PLEKHA5: variants seen among roughly 807,000 people sequenced by gnomAD.
PLEKHA5 encodes the protein pleckstrin homology domain containing A5, also known as pleckstrin homology domain-containing family A member 5.
In PLEKHA5, 55 loss-of-function variants were observed where a neutral mutation model predicts 181.9. That is an observed-to-expected ratio of 0.30 (90% CI 0.24 to 0.38). The LOEUF (loss-of-function observed/expected upper bound fraction) is 0.38. Ranked by LOEUF, PLEKHA5 falls within the 10% of genes least tolerant of loss-of-function variation. PLEKHA5 has a pLI of 1.00. For missense variants in PLEKHA5, 1,432 were observed against 1,549.5 expected, an observed-to-expected ratio of 0.92 and a Z score of 1.27; for synonymous variants, 535 against 529.4, an observed-to-expected ratio of 1.01 and a Z score of -0.15.
intron 3 of PLEKHA5, among the ~76,000 whole-genome samples, chr12:19,239,640 T>C (rs1285575364): frequency 6.6e-6 from 1 of 152,212 alleles, no homozygotes; most frequent in Non-Finnish European, 1.5e-5. Context: ...ATACATTGTT[T>C]CAAAACTTAT....
intron 3 of PLEKHA5, among the ~76,000 whole-genome samples, chr12:19,144,699 C>T (rs2038423058): frequency 6.6e-6 from 1 of 152,166 alleles, no homozygotes; most frequent in South Asian, 2.1e-4. Flanking sequence ...TGGAGACCAA[C>T]TTCTGGATCA....
chr12:19,255,124 A>C lies in PLEKHA5; in HGVS notation c.391A>C (p.Thr131Pro), dbSNP rs2066503640. The C allele has an allele frequency of 6.2e-7, 1 of 1,609,162 alleles. No homozygotes were observed. Among genetic ancestry groups the C allele is most frequent in the Non-Finnish European group, 8.5e-7 (1 of 1,176,578 alleles). ...AAATGAAGCTTCTAACTATAACGTGACTTCAGATTATGCAGTGCATCCAAT... is the reference window on the plus strand; with the variant it reads ...AAATGAAGCTTCTAACTATAACGTGCCTTCAGATTATGCAGTGCATCCAAT... Reference protein sequence around the residue: ...MINEASNYNVTSDYAVHPMSP... With the variant: ...MINEASNYNVPSDYAVHPMSP... Residue 131 changes from threonine to proline, a missense_variant, in exon 5 of 32, where the codon ACT becomes CCT. Transcript: ENST00000429027.
At chr12:19,371,815 G>A (rs919151881) in intron 31 of PLEKHA5, 2 of 152,042 alleles carry the variant, frequency 1.3e-5, no homozygotes, top group African/African-American at 4.8e-5. Context: ...GTTTTCTTTT[G>A]GGTCGATACT....
chr12:19,182,842 T>G (rs1188400432), intron 3 of PLEKHA5, among the ~76,000 whole-genome samples: 1 of 152,194 alleles, frequency 6.6e-6, no homozygotes, highest in African/African-American at 2.4e-5. Flanking sequence ...GTTTCTAAGG[T>G]TATGTGTAAT....
At chr12:19,369,336 A>AG (rs1467852138) in intron 30 of PLEKHA5, among the ~76,000 whole-genome samples, 13 of 140,390 alleles carry the variant, frequency 9.3e-5, no homozygotes, top group African/African-American at 3.5e-4. Flanking sequence ...CGCCCAGCCA[A>AG]AAAAAAAAAA....
At chr12:19,267,264 C>G (rs4963549) in intron 8 of PLEKHA5, among the ~76,000 whole-genome samples, 130,023 of 152,194 alleles carry the variant, frequency 0.85, 57,196 homozygotes, top group Non-Finnish European at 0.97. Context: ...TAACAATGAA[C>G]ATGTTTGTAC....
intron 3 of PLEKHA5, among the ~76,000 whole-genome samples, chr12:19,140,492 G>C (rs2036943216): frequency 6.6e-6 from 1 of 152,138 alleles, no homozygotes; most frequent in African/African-American, 2.4e-5. Context: ...AACTACTTAG[G>C]AATTATGCTC....
Position 19,359,550 on chromosome 12 carries a change from G to A in PLEKHA5, c.3483+4G>A, listed in dbSNP as rs758030893. 13 of 1,613,084 alleles carry A rather than the reference G, an allele frequency of 8.1e-6. No individual in the cohort carries two copies. Among genetic ancestry groups the A allele is most frequent in the Non-Finnish European group, 1.1e-5 (13 of 1,179,448 alleles). ...AAATGTGGACTTCAGCAAAGAGGTAGCGAGATTATTTTATGAAAGGTATTC... is the reference window on the plus strand; with the variant it reads ...AAATGTGGACTTCAGCAAAGAGGTAACGAGATTATTTTATGAAAGGTATTC... On this transcript the variant is annotated splice_donor_region_variant and intron_variant, in intron 28 of 31. Coordinates refer to ENST00000429027, the MANE Select transcript of PLEKHA5 (RefSeq NM_001256470.2).
chr12:19,362,432 G>A (rs959961108), intron 29 of PLEKHA5, among the ~76,000 whole-genome samples: 6 of 152,002 alleles, frequency 3.9e-5, no homozygotes, highest in Non-Finnish European at 7.4e-5. Context: ...TACTTGGGAG[G>A]CTGAGGCAGG....
chr12:19,291,235 T>C (rs2078353250), intron 14 of PLEKHA5, among the ~76,000 whole-genome samples: 1 of 152,220 alleles, frequency 6.6e-6, no homozygotes, highest in Admixed American at 6.5e-5. Flanking sequence ...AATTTTAAAA[T>C]GTCTTATTTT....
chr12:19,307,539 G>T, intron 15 of PLEKHA5: 1 of 321,224 alleles, frequency 3.1e-6, no homozygotes, highest in South Asian at 3.6e-5. Flanking sequence ...GGCTGCTATA[G>T]AACCAGAGAA....
At chr12:19,175,502 A>T (rs1456308930) in intron 3 of PLEKHA5, among the ~76,000 whole-genome samples, 4 of 152,342 alleles carry the variant, frequency 2.6e-5, no homozygotes, top group African/African-American at 9.6e-5. Flanking sequence ...TTATATACTA[A>T]TAAAGTTTTT....
rs189742865 is a variant in PLEKHA5, at chr12:19,374,902, C to T, written c.*12-629C>T. ...CCCAGGAGGCAGAGGTTGCAGTGAA[C>T]TGAGATCGTGCCACTGCACTCCACC... On this transcript the variant is annotated intron_variant, in intron 31 of 31. Transcript: ENST00000429027. Among the ~76,000 whole-genome samples the T allele has an allele frequency of 2.2e-4, 33 of 152,076 alleles. No homozygotes were observed. The East Asian group carries it at 5.6e-3, about 26-fold the overall frequency.
At chr12:19,137,117 C>T (rs2035891666) in intron 3 of PLEKHA5, among the ~76,000 whole-genome samples, 2 of 152,040 alleles carry the variant, frequency 1.3e-5, no homozygotes, top group Non-Finnish European at 2.9e-5. Context: ...CACGCAACGT[C>T]CACCTCCCGG....
chr12:19,294,604 C>T (rs1433683564), intron 15 of PLEKHA5, among the ~76,000 whole-genome samples: 1 of 152,126 alleles, frequency 6.6e-6, no homozygotes, highest in East Asian at 1.9e-4. Context: ...TTTCCTCCTG[C>T]CCCTTGTGAG....
intron 23 of PLEKHA5, 45 bp downstream of exon 23, chr12:19,345,933 T>A: frequency 1.1e-6 from 1 of 904,906 alleles, no homozygotes; most frequent in Non-Finnish European, 1.8e-6. Context: ...TTTTAATGCT[T>A]AAGAGATGAA....
chr12:19,251,824 C>T (rs1156393974), intron 3 of PLEKHA5, among the ~76,000 whole-genome samples: 1 of 140,142 alleles, frequency 7.1e-6, no homozygotes, highest in African/African-American at 2.7e-5. Context: ...TGTAATAATA[C>T]AGGGGACAAA....
At chr12:19,160,430 GA>G (rs2042712500) in intron 3 of PLEKHA5, among the ~76,000 whole-genome samples, 1 of 151,860 alleles carries the variant, frequency 6.6e-6, no homozygotes, top group Admixed American at 6.6e-5. Flanking sequence ...TATACTCCTT[GA>G]AAAAATGTTT....
chr12:19,179,512 T>C (rs933999188), intron 3 of PLEKHA5, among the ~76,000 whole-genome samples: 1 of 151,990 alleles, frequency 6.6e-6, no homozygotes, highest in Non-Finnish European at 1.5e-5. Context: ...ATAACAAAAT[T>C]AGCCTGGCGT....
Sources: allele counts gnomAD v4.1 joint callset (sites outside exome capture counted in the v4.1 genomes callset), GRCh38; gene constraint gnomAD v4.1.1; transcripts MANE v1.5; gene names NCBI Gene and HGNC (gene_info 2026-07-23, HGNC 2026-07-21).